The following DSG1 variants were observed in gnomAD, a reference collection of about 807,000 sequenced individuals.
The protein encoded by DSG1 is desmoglein-1.
DSG1 carries 39 observed loss-of-function variants against 97.5 expected under a neutral mutation model. The ratio of observed to expected loss-of-function variants is 0.40; its 90% CI spans 0.31 to 0.52. The LOEUF (loss-of-function observed/expected upper bound fraction) is 0.52, where lower values mean the gene tolerates loss of function less well. Ranked by LOEUF, DSG1 falls within the 20% of genes least tolerant of loss-of-function variation. The pLI, the probability that DSG1 is intolerant of heterozygous loss-of-function variation, is 0.53. For missense variants in DSG1, 1,311 were observed against 1,295.4 expected, an observed-to-expected ratio of 1.01 and a Z score of -0.18; for synonymous variants, 475 against 443.4, an observed-to-expected ratio of 1.07 and a Z score of -0.90.
intron 13 of DSG1, 71 bp from the exon 14 acceptor site, chr18:31,345,919 C>A: frequency 8.1e-7 from 1 of 1,231,622 alleles, no homozygotes; most frequent in African/African-American, 1.5e-5. Flanking sequence ...TCACATATTA[C>A]AAGGCAAGTT....
In DSG1 at chr18:31,331,771, C is replaced by T; in HGVS notation, c.588C>T (p.Phe196=). The change falls in exon 6 of 15, where the codon TTC becomes TTT. Residue 196 remains phenylalanine (F), a synonymous_variant. Transcript: ENST00000257192. The part of the protein sequence containing the change: ...EPNNLNSKIA[F]KIIRQEPSDS... ...ACAATTTGAACTCAAAAATAGCCTT[C>T]AAGATTATAAGACAAGAACCTTCAG... The T allele has an allele frequency of 3.7e-6, 6 of 1,612,844 alleles. No homozygotes were observed. The highest frequency in any genetic ancestry group is 3.4e-6 in the Non-Finnish European group (4 of 1,179,168).
intron 1 of DSG1, among the ~76,000 whole-genome samples, chr18:31,321,995 G>A (rs1403278293): frequency 6.6e-6 from 1 of 152,178 alleles, no homozygotes; most frequent in Non-Finnish European, 1.5e-5. Context: ...CACCCTTGCT[G>A]ATTATGCTTG....
intron 14 of DSG1, 103 bp from the exon 15 acceptor site, chr18:31,354,194 C>A: frequency 1.0e-6 from 1 of 969,106 alleles, no homozygotes; most frequent in Non-Finnish European, 1.6e-6. Context: ...TTATTTCATT[C>A]CTCTTTGGAA....
Position 31,355,453 on chromosome 18 carries a change from T to C in DSG1, c.*107T>C. ...AACGCACAACTTCGTGCTCAGGTCA[T>C]CTAGGAGCAAGGTGAGAAATCACAA... On this transcript the variant is annotated 3_prime_UTR_variant, in exon 15 of 15. Coordinates refer to ENST00000257192, the MANE Select transcript of DSG1 (RefSeq NM_001942.4). 9.0e-7 allele frequency: 1 copy of C among 1,114,220 alleles called. No individual in the cohort carries two copies. Among genetic ancestry groups the C allele is most frequent in the Middle Eastern group, 2.5e-4 (1 of 4,006 alleles). 69.0% of individuals were successfully genotyped at this position (1,114,220 alleles called of 1,614,324 possible).
At chr18:31,340,812 A>G (rs1172073015) in intron 11 of DSG1, among the ~76,000 whole-genome samples, 1 of 152,226 alleles carries the variant, frequency 6.6e-6, no homozygotes, top group Admixed American at 6.5e-5. Flanking sequence ...CAGGTCTCAA[A>G]GAGATTTTAT....
intron 1 of DSG1, among the ~76,000 whole-genome samples, chr18:31,319,917 G>A (rs1555653896): frequency 2.0e-5 from 3 of 151,492 alleles, no homozygotes; most frequent in African/African-American, 4.8e-5. Flanking sequence ...TTGGCTTATG[G>A]GGGTTTTTTT....
At chr18:31,341,650 A>C (rs1273287479) in intron 11 of DSG1, among the ~76,000 whole-genome samples, 1 of 152,250 alleles carries the variant, frequency 6.6e-6, no homozygotes, top group Non-Finnish European at 1.5e-5. Flanking sequence ...AAACAGAGAA[A>C]AGGGAAAGAG....
intron 1 of DSG1, among the ~76,000 whole-genome samples, chr18:31,321,732 C>T (rs1414795458): frequency 6.6e-6 from 1 of 152,162 alleles, no homozygotes; most frequent in Non-Finnish European, 1.5e-5. Flanking sequence ...GAAAGGCTGA[C>T]CCTAGAATAA....
Position 31,328,259 on chromosome 18 carries a change from C to A in DSG1, c.287C>A (p.Pro96Gln), listed in dbSNP as rs543163097. ...TCTGGAGTAGGAATTGATCAGCCAC[C>A]ATATGGGATCTTTGTCATTAATCAG... ...RISGVGIDQP[P>Q]YGIFVINQKT... Residue 96 changes from proline (P) to glutamine (Q), a missense_variant, in exon 4 of 15, where the codon CCA becomes CAA. Pro to Gln is a moderately conservative substitution (Grantham distance 76). Coordinates refer to ENST00000257192, the MANE Select transcript of DSG1 (RefSeq NM_001942.4). The A allele has an allele frequency of 6.2e-7, 1 of 1,613,542 alleles. No individual in the cohort carries two copies. Among genetic ancestry groups the A allele is most frequent in the African/African-American group, 1.3e-5 (1 of 75,012 alleles).
chr18:31,328,949 T>G (rs1165104565), intron 4 of DSG1, among the ~76,000 whole-genome samples: 1 of 152,148 alleles, frequency 6.6e-6, no homozygotes, highest in Admixed American at 6.6e-5. Flanking sequence ...GTATCCTATC[T>G]CTTCAAACCC....
rs764821828 is a variant in DSG1 at position 31,334,238 on chromosome 18, A to C, written c.1005+36A>C. On this transcript the variant is annotated intron_variant, in intron 8 of 14. Transcript: ENST00000257192. ...ATTATCCTAAATATTTTGTTTTCTT[A>C]ATCTTTTTTCAAAATGTTAAACTTA... 2.1e-6 allele frequency: 3 copies of C among 1,424,566 alleles called. No homozygotes were observed. The South Asian group carries it at 3.6e-5, about 17-fold the overall frequency. 88.2% of individuals were successfully genotyped at this position (1,424,566 alleles called of 1,614,324 possible). A position where few individuals can be genotyped will look rare whatever the true frequency, so the allele number is the denominator to read the frequency against.
chr18:31,355,413 A>G lies in DSG1; in HGVS notation c.*67A>G. On this transcript the variant is annotated 3_prime_UTR_variant, in exon 15 of 15. Transcript: ENST00000257192. ...ATCCAATTCCCACCACTAAAAAACC[A>G]ACAATGTGATTTATAACGCACAACT... is the stretch of plus-strand genomic sequence containing the variant. 6.8e-7 allele frequency: 1 copy of G among 1,469,218 alleles called. No individual in the cohort carries two copies. Among genetic ancestry groups the G allele is most frequent in the Non-Finnish European group, 9.4e-7 (1 of 1,059,292 alleles). The allele number at this position is 1,469,218 out of a possible 1,614,324, so 91.0% of individuals were successfully genotyped here.
At chr18:31,351,821 G>A (rs1400490910) in intron 14 of DSG1, among the ~76,000 whole-genome samples, 1 of 151,912 alleles carries the variant, frequency 6.6e-6, no homozygotes, top group Non-Finnish European at 1.5e-5. Flanking sequence ...CCATTGGCTG[G>A]GTAGATCTTC....
intron 4 of DSG1, 150 bp downstream of exon 4, chr18:31,328,494 G>A: frequency 1.3e-6 from 1 of 773,656 alleles, no homozygotes; most frequent in Non-Finnish European, 2.1e-6. Context: ...CGACTGAAAA[G>A]AAATGCAAAG....
intron 8 of DSG1, 93 bp downstream of exon 8, chr18:31,334,295 G>A: frequency 3.3e-6 from 3 of 908,104 alleles, no homozygotes; most frequent in Non-Finnish European, 3.4e-6. Context: ...TCACAAACTT[G>A]GCTTAGTGAA....
At chr18:31,325,939 T>C (rs1023285057) in intron 1 of DSG1, among the ~76,000 whole-genome samples, 2 of 152,046 alleles carry the variant, frequency 1.3e-5, no homozygotes, top group African/African-American at 4.8e-5. Flanking sequence ...AGTGCATAGA[T>C]TTACATAAAT....
At chr18:31,329,002 T>C (rs1216719342) in intron 4 of DSG1, among the ~76,000 whole-genome samples, 2 of 152,154 alleles carry the variant, frequency 1.3e-5, no homozygotes, top group African/African-American at 4.8e-5. Flanking sequence ...TGTGACCAAC[T>C]TTATGAAAAA....
In DSG1 at chr18:31,343,582, G is replaced by C. The variant is rs1448734448; in HGVS notation, c.1820G>C (p.Arg607Thr). Residue 607 changes from arginine to threonine, a missense_variant and splice_region_variant, in exon 12 of 15, where the codon AGG (arginine) becomes ACG (threonine). Transcript: ENST00000257192. The part of the protein sequence containing the change: ...WAVEGPQPEP[R>T]DITTVIPQIP... The stretch of plus-strand genomic sequence containing the variant: ...GTAGAAGGACCACAGCCTGAACCCA[G>C]GGTAAGTGCCACATTCTAAGAAATA... 6.2e-7 allele frequency: 1 copy of C among 1,614,088 alleles called. No individual in the cohort carries two copies. The highest frequency in any genetic ancestry group is 2.2e-5 in the East Asian group (1 of 44,866).
chr18:31,354,160 T>A, intron 14 of DSG1, 137 bp from the exon 15 acceptor site: 1 of 702,198 alleles, frequency 1.4e-6, no homozygotes, highest in Non-Finnish European at 2.4e-6. Context: ...TTTTAGAGCA[T>A]CTCTAGTATG....
Sources: allele counts gnomAD v4.1 joint callset (sites outside exome capture counted in the v4.1 genomes callset), GRCh38; gene constraint gnomAD v4.1.1; transcripts MANE v1.5; gene names NCBI Gene and HGNC (gene_info 2026-07-23, HGNC 2026-07-21).